Variants in UNC80 observed in about 807,000 individuals in gnomAD.
UNC80 encodes unc-80 subunit of NALCN channel complex.
Under a neutral mutation model 384.6 loss-of-function variants are expected in UNC80, and 164 were observed. That is an observed-to-expected ratio of 0.43 (90% CI 0.38 to 0.49). UNC80 has a LOEUF of 0.49. UNC80 is among the 20% of genes least tolerant of loss of function. The pLI is 0.00. For synonymous variants in UNC80, 1,486 were observed against 1,527.8 expected, an observed-to-expected ratio of 0.97 and a Z score of 0.64; for missense variants, 3,330 against 4,143.0, an observed-to-expected ratio of 0.80 and a Z score of 5.39.
Position 209,785,724 on chromosome 2 carries a change from C to T in UNC80, c.601-342C>T, listed in dbSNP as rs969182477. ...AAATTAAGAGGAATGATAATAATAA[C>T]CAAAGTGAAGAGATCTGCCAAGGCT... On this transcript the variant is annotated intron_variant, in intron 4 of 64. Coordinates refer to ENST00000673920, the MANE Select transcript of UNC80 (RefSeq NM_001371986.1). Among the ~76,000 whole-genome samples the T allele has an allele frequency of 2.0e-5, 3 of 152,094 alleles. No individual in the cohort carries two copies. In the South Asian group the frequency reaches 6.2e-4, roughly 32 times the overall value.
At chr2:209,955,963 C>T (rs1031975323) in intron 48 of UNC80, among the ~76,000 whole-genome samples, 14 of 151,588 alleles carry the variant, frequency 9.2e-5, no homozygotes, top group African/African-American at 1.2e-4. Flanking sequence ...AGGCTGGTCT[C>T]GAACTCCTGG....
In UNC80 at chr2:209,910,390, C is replaced by T. The variant is rs2088780978; in HGVS notation, c.4783-2170C>T. On this transcript the variant is annotated intron_variant, in intron 29 of 64. Transcript: ENST00000673920. ...TTTACAAGAGTGTACCCAAACCCAT[C>T]ACACATATACCCCCATCTCTGTGAT... 2.0e-5 allele frequency among the ~76,000 whole-genome samples: 3 copies of T among 151,900 alleles called. No homozygotes were observed. In the South Asian group the frequency reaches 6.2e-4, roughly 32 times the overall value.
intron 22 of UNC80, among the ~76,000 whole-genome samples, chr2:209,858,617 C>T (rs999349577): frequency 3.3e-5 from 5 of 151,522 alleles, no homozygotes; most frequent in African/African-American, 1.2e-4. Flanking sequence ...TAGCTTGAAC[C>T]CAGGAAACAG....
intron 6 of UNC80, among the ~76,000 whole-genome samples, chr2:209,793,380 C>A (rs1312454845): frequency 6.6e-6 from 1 of 152,218 alleles, no homozygotes; most frequent in African/African-American, 2.4e-5. Context: ...TGCTTCTATT[C>A]AGTTCACCTC....
intron 64 of UNC80, 64 bp downstream of exon 64, chr2:209,994,328 G>GAT (rs2093446632): frequency 7.1e-7 from 1 of 1,400,000 alleles, no homozygotes; most frequent in African/African-American, 1.4e-5. Flanking sequence ...CAGCCACTTG[G>GAT]ATATGCACAT....
At chr2:209,897,439 C>A (rs557575988) in intron 28 of UNC80, among the ~76,000 whole-genome samples, 1 of 152,158 alleles carries the variant, frequency 6.6e-6, no homozygotes, top group Non-Finnish European at 1.5e-5. Flanking sequence ...TACTACTACT[C>A]TGTTGTGTCT....
intron 8 of UNC80, among the ~76,000 whole-genome samples, chr2:209,814,631 A>G (rs1392337439): frequency 6.6e-6 from 1 of 152,130 alleles, no homozygotes; most frequent in Non-Finnish European, 1.5e-5. Context: ...AGAGAAGTAA[A>G]CTGAATGTGT....
At chr2:209,931,422 C>G (rs1475514559) in intron 38 of UNC80, among the ~76,000 whole-genome samples, 1 of 143,000 alleles carries the variant, frequency 7.0e-6, no homozygotes, top group East Asian at 2.1e-4. Flanking sequence ...CACACAGATG[C>G]AACTGTTGTC....
Position 209,998,074 on chromosome 2 carries a change from C to A in UNC80, c.*2479C>A, listed in dbSNP as rs559831163. The A allele has an allele frequency of 2.4e-4, 37 of 152,224 alleles. 1 individual carries two copies. Among genetic ancestry groups the A allele is most frequent in the African/African-American group, 8.9e-4 (37 of 41,538 alleles). The allele number at this position is 152,224 out of a possible 1,614,324, so 9.4% of individuals were successfully genotyped here. A position where few individuals can be genotyped will look rare whatever the true frequency, so the allele number is the denominator to read the frequency against. ...CAGTGTTGGTAATAGTAGATCATTTCTTAAGCCATGATACTTAATGATATT... is the reference window on the plus strand; with the variant it reads ...CAGTGTTGGTAATAGTAGATCATTTATTAAGCCATGATACTTAATGATATT... On this transcript the variant is annotated 3_prime_UTR_variant, in exon 65 of 65. Transcript: ENST00000673920.
chr2:209,830,666 A>G lies in UNC80; in HGVS notation c.2627-777A>G, dbSNP rs368731685. 8.5e-5 allele frequency among the ~76,000 whole-genome samples: 13 copies of G among 152,282 alleles called. No individual in the cohort carries two copies. In the East Asian group the frequency reaches 2.5e-3, roughly 29 times the overall value. On this transcript the variant is annotated intron_variant, in intron 15 of 64. Coordinates refer to ENST00000673920, the MANE Select transcript of UNC80 (RefSeq NM_001371986.1). ...CTGCCCATGCCCTTTGTCACATTTC[A>G]CAGGTAGTTCACAGGCCATGAGAAA... is the stretch of plus-strand genomic sequence containing the variant.
chr2:209,828,223 C>T (rs2080686587), intron 14 of UNC80, among the ~76,000 whole-genome samples: 1 of 152,110 alleles, frequency 6.6e-6, no homozygotes, highest in African/African-American at 2.4e-5. Flanking sequence ...TATAGAATGA[C>T]AATTAAATAC....
intron 45 of UNC80, 117 bp from the exon 46 acceptor site, chr2:209,944,934 T>A: frequency 8.4e-7 from 1 of 1,195,102 alleles, no homozygotes. Flanking sequence ...GTAAGCTGAA[T>A]TCCAGGTAGA....
chr2:209,961,529 A>G (rs1163958625), intron 51 of UNC80: 2 of 152,242 alleles, frequency 1.3e-5, no homozygotes. Context: ...TAGAGTCAGG[A>G]TAATGTGAAA....
intron 29 of UNC80, among the ~76,000 whole-genome samples, chr2:209,905,519 A>G (rs1357906787): frequency 6.6e-6 from 1 of 152,168 alleles, no homozygotes; most frequent in Non-Finnish European, 1.5e-5. Context: ...AAGACAAGGA[A>G]ATGGATTATC....
At chr2:209,909,772 C>T (rs2088695729) in intron 29 of UNC80, among the ~76,000 whole-genome samples, 1 of 152,038 alleles carries the variant, frequency 6.6e-6, no homozygotes, top group South Asian at 2.1e-4. Flanking sequence ...TTTTCTAAGA[C>T]ATATACATAG....
At position 209,878,013 on chromosome 2, in the gene UNC80, G is replaced by A. The variant is rs1365089103; in HGVS notation, c.3900G>A (p.Leu1300=). 9 of 1,546,286 alleles carry A rather than the reference G, an allele frequency of 5.8e-6. No homozygotes were observed. The highest frequency in any genetic ancestry group is 2.4e-5 in the South Asian group (2 of 83,104). Residue 1300 remains leucine (L), a synonymous_variant, in exon 24 of 65, where the codon CTG becomes CTA. Coordinates refer to ENST00000673920, the MANE Select transcript of UNC80 (RefSeq NM_001371986.1). ...GGGAAAGTGAGAGCCCAGCCAACCT[G>A]CTGGGTCTCATTTACGATGAAGAGA... ...CHGESESPAN[L]LGLIYDEETK...
chr2:209,920,502 T>C (rs915242172), intron 33 of UNC80, among the ~76,000 whole-genome samples: 3 of 152,230 alleles, frequency 2.0e-5, no homozygotes, highest in African/African-American at 7.2e-5. Flanking sequence ...ATAGCTGTTG[T>C]ACAGTGAATC....
chr2:209,896,201 T>G, intron 27 of UNC80, 112 bp from the exon 28 acceptor site: 1 of 902,686 alleles, frequency 1.1e-6, no homozygotes. Flanking sequence ...TGTAACCCAC[T>G]GGGCCATGGT....
intron 22 of UNC80, among the ~76,000 whole-genome samples, chr2:209,869,603 T>C (rs1035576331): frequency 6.6e-6 from 1 of 152,136 alleles, no homozygotes; most frequent in African/African-American, 2.4e-5. Context: ...CCTGCCATCA[T>C]CCACCAGGCT....
Sources: allele counts gnomAD v4.1 joint callset (sites outside exome capture counted in the v4.1 genomes callset), GRCh38; gene constraint gnomAD v4.1.1; transcripts MANE v1.5; gene names NCBI Gene and HGNC (gene_info 2026-07-23, HGNC 2026-07-21).